Variants in SEC14L1 observed in about 807,000 individuals in gnomAD.
SEC14L1 encodes the protein SEC14-like protein 1.
Under a neutral mutation model 85.3 loss-of-function variants are expected in SEC14L1, and 48 were observed. That is an observed-to-expected ratio of 0.56 (90% CI 0.45 to 0.72). SEC14L1 has a LOEUF of 0.72. SEC14L1 is among the 30% of genes least tolerant of loss of function. SEC14L1 has a pLI of 0.00. For missense variants in SEC14L1, 682 were observed against 921.4 expected (o/e 0.74, Z 3.36); for synonymous variants, 391 against 355.5 (o/e 1.10, Z -1.12).
At chr17:77,168,520 CCCTTTCCATTCA>C (rs1261204698) in intron 3 of SEC14L1, among the ~76,000 whole-genome samples, 1 of 152,190 alleles carries the variant, frequency 6.6e-6, no homozygotes, top group East Asian at 1.9e-4. Context: ...AAGTCATAAT[CCCTTTCCATTCA>C]CCAAACCACT....
intron 3 of SEC14L1, among the ~76,000 whole-genome samples, chr17:77,100,393 C>CT (rs572735925): frequency 0.12 from 6,959 of 56,158 alleles, 685 homozygotes; most frequent in African/African-American, 0.3. Flanking sequence ...CTGGCTTTTT[C>CT]TTTTTTTTTT....
At chr17:77,146,824 G>A in intron 3 of SEC14L1, among the ~76,000 whole-genome samples, 1 of 152,156 alleles carries the variant, frequency 6.6e-6, no homozygotes, top group South Asian at 2.1e-4. Flanking sequence ...AAAGTAGACT[G>A]TGAGTGATGT....
At chr17:77,211,847 CT>C in intron 14 of SEC14L1, 102 bp from the exon 15 acceptor site, 2 of 1,471,890 alleles carry the variant, frequency 1.4e-6, no homozygotes, top group Admixed American at 3.7e-5. Context: ...CCCTCCCCAG[CT>C]TCAGCACCTG....
At chr17:77,091,874 C>T (rs899148516) in intron 2 of SEC14L1, among the ~76,000 whole-genome samples, 17 of 150,986 alleles carry the variant, frequency 1.1e-4, no homozygotes, top group African/African-American at 4.1e-4. Flanking sequence ...TGCAGTGGTG[C>T]GATCTCAGCT....
intron 3 of SEC14L1, among the ~76,000 whole-genome samples, chr17:77,162,510 A>G (rs1974109759): frequency 6.6e-6 from 1 of 152,284 alleles, no homozygotes; most frequent in South Asian, 2.1e-4. Flanking sequence ...TTTTGACTGC[A>G]TTATTACCAC....
intron 3 of SEC14L1, among the ~76,000 whole-genome samples, chr17:77,124,003 G>A (rs1431803760): frequency 6.6e-6 from 1 of 152,220 alleles, no homozygotes; most frequent in Non-Finnish European, 1.5e-5. Flanking sequence ...CAGGAGCCAC[G>A]TCGATGGGTT....
chr17:77,203,653 A>C lies in SEC14L1; in HGVS notation c.1093A>C (p.Arg365=). Residue 365 remains arginine, a synonymous_variant, in exon 10 of 17, where the codon AGA becomes CGA. Coordinates refer to ENST00000436233, the MANE Select transcript of SEC14L1 (RefSeq NM_001143998.2). The stretch of plus-strand genomic sequence containing the variant: ...AGCGCTCGGGGAGGAAGCCCTGCTG[A>C]GATACGTAAGTGCGCGGCTGCGAGA... The part of the protein sequence containing the change: ...VRALGEEALL[R]YVLSINEEGL... 6.2e-7 allele frequency: 1 copy of C among 1,612,728 alleles called. No homozygotes were observed. The highest frequency in any genetic ancestry group is 1.7e-4 in the Middle Eastern group (1 of 6,058).
rs1377608631 is a variant in SEC14L1, at chr17:77,202,333, A to AC, written c.1010-1237_1010-1236insC. ...AGTTGTTGTCTCTACTTAAAAAAAAAGGAGGCTGGGCGCGGTGGCTCACAC... is the reference window on the plus strand; with the variant it reads ...AGTTGTTGTCTCTACTTAAAAAAAAACGGAGGCTGGGCGCGGTGGCTCACAC... On this transcript the variant is annotated intron_variant, in intron 9 of 16. Transcript: ENST00000436233. Among the ~76,000 whole-genome samples, 3 of 151,960 alleles carry AC rather than the reference A, an allele frequency of 2.0e-5. No individual in the cohort carries two copies. The South Asian group carries it at 6.3e-4, about 32-fold the overall frequency.
intron 3 of SEC14L1, among the ~76,000 whole-genome samples, chr17:77,153,156 C>G (rs1890177555): frequency 2.6e-5 from 4 of 152,334 alleles, no homozygotes; most frequent in African/African-American, 2.4e-5. Flanking sequence ...CAACCTCCGC[C>G]TCCCGGGTTC....
intron 10 of SEC14L1, 141 bp downstream of exon 10, chr17:77,203,799 C>A: frequency 1.6e-6 from 1 of 642,998 alleles, no homozygotes; most frequent in South Asian, 1.9e-5. Flanking sequence ...TTAATATCGT[C>A]TTAAAATTTC....
chr17:77,176,746 C>T (rs996902330), intron 3 of SEC14L1, among the ~76,000 whole-genome samples: 2 of 152,080 alleles, frequency 1.3e-5, no homozygotes, highest in Admixed American at 1.3e-4. Context: ...ACCACCATGC[C>T]CGGCTAGTTG....
upstream of SEC14L1, among the ~76,000 whole-genome samples, chr17:77,138,550 G>T (rs1034948197): frequency 2.0e-5 from 3 of 152,202 alleles, no homozygotes; most frequent in African/African-American, 7.2e-5. Flanking sequence ...AACCCAGGAG[G>T]TGGAGGTTGC....
At chr17:77,120,964 G>A (rs75061974) in intron 3 of SEC14L1, among the ~76,000 whole-genome samples, 6 of 152,302 alleles carry the variant, frequency 3.9e-5, no homozygotes, top group South Asian at 4.2e-4. Context: ...GGTTGTGGCA[G>A]AGGGAGCTTG....
chr17:77,167,211 C>G (rs972758107), intron 3 of SEC14L1, among the ~76,000 whole-genome samples: 2 of 145,520 alleles, frequency 1.4e-5, no homozygotes, highest in Non-Finnish European at 3.0e-5. Context: ...TTACTGCAGT[C>G]TCCACCTCCC....
chr17:77,183,403 T>C (rs867625918), intron 3 of SEC14L1, among the ~76,000 whole-genome samples: 17 of 152,244 alleles, frequency 1.1e-4, no homozygotes, highest in African/African-American at 4.1e-4. Context: ...AGTTGCTTTA[T>C]GTCATGACAC....
Position 77,215,320 on chromosome 17 carries a change from G to A in SEC14L1, c.*1297G>A. Reference sequence around the variant, plus strand: ...GAGAATCTGTCCAGAAGTTGCATAGGGGATGGCCTCCACGATAAGGACATG... The same window carrying A: ...GAGAATCTGTCCAGAAGTTGCATAGAGGATGGCCTCCACGATAAGGACATG... On this transcript the variant is annotated 3_prime_UTR_variant, in exon 17 of 17. Transcript: ENST00000436233. 1.0e-6 allele frequency: 1 copy of A among 985,352 alleles called. No individual in the cohort carries two copies. The highest frequency in any genetic ancestry group is 4.7e-5 in the South Asian group (1 of 21,276). The allele number at this position is 985,352 out of a possible 1,614,324, so 61.0% of individuals were successfully genotyped here. A position where few individuals can be genotyped will look rare whatever the true frequency, so the allele number is the denominator to read the frequency against.
intron 1 of SEC14L1, chr17:77,141,501 G>A (rs1320980501): frequency 1.3e-5 from 2 of 151,852 alleles, no homozygotes; most frequent in Non-Finnish European, 2.9e-5. Context: ...AGCAGCCCCG[G>A]GCGCCGGCCG....
chr17:77,175,918 G>A (rs1234958543), intron 3 of SEC14L1, among the ~76,000 whole-genome samples: 2 of 152,144 alleles, frequency 1.3e-5, no homozygotes, highest in African/African-American at 4.8e-5. Context: ...AATAGGGAGT[G>A]TGTGCTGATT....
At chr17:77,123,414 C>CTTT (rs71280842) in intron 3 of SEC14L1, among the ~76,000 whole-genome samples, 2 of 80,514 alleles carry the variant, frequency 2.5e-5, no homozygotes, top group Non-Finnish European at 4.4e-5. Flanking sequence ...CAGGCCCACT[C>CTTT]TTTTTTTTTT....
Sources: gnomAD v4.1 joint callset for allele counts (sites outside exome capture counted in the v4.1 genomes callset) on GRCh38, gnomAD v4.1.1 for gene constraint, MANE v1.5 for transcripts, NCBI Gene and HGNC (gene_info 2026-07-23, HGNC 2026-07-21) for gene names.